The following SERPINA12 variants were observed in gnomAD, a reference collection of about 807,000 sequenced individuals.
SERPINA12 encodes serpin family A member 12, also known as serpin A12.
In SERPINA12, 21 loss-of-function variants were observed where a neutral mutation model predicts 25.9. The observed-to-expected ratio is 0.81, with a 90% CI of 0.58 to 1.17. The LOEUF (loss-of-function observed/expected upper bound fraction) is 1.17, where lower values mean the gene tolerates loss of function less well. Among genes scored for constraint, SERPINA12 ranks in the 50% most tolerant of loss-of-function variants. SERPINA12 has a pLI of 0.00. For synonymous variants in SERPINA12, 220 were observed against 196.0 expected, an observed-to-expected ratio of 1.12 and a Z score of -1.02; for missense variants, 562 against 508.3, an observed-to-expected ratio of 1.11 and a Z score of -1.02.
intron 1 of SERPINA12, among the ~76,000 whole-genome samples, chr14:94,516,609 T>C (rs1052882426): frequency 6.6e-6 from 1 of 152,160 alleles, no homozygotes; most frequent in Non-Finnish European, 1.5e-5. Flanking sequence ...AATACCTTTC[T>C]CTCGTAGCCA....
chr14:94,496,384 T>G lies in SERPINA12; in HGVS notation c.894A>C (p.Leu298Phe). The G allele has an allele frequency of 6.2e-7, 1 of 1,614,190 alleles. No homozygotes were observed. The highest frequency in any genetic ancestry group is 8.5e-7 in the Non-Finnish European group (1 of 1,180,038). Residue 298 changes from leucine to phenylalanine, a missense_variant, in exon 3 of 5, where the codon TTA becomes TTC. Leu to Phe is a conservative substitution (Grantham distance 22). Transcript: ENST00000677451. ...QVDTFSRWKT[L>F]LSRRVVDVSV... is the part of the protein sequence containing the mutation. The stretch of plus-strand genomic sequence containing the variant: ...GGCACCCACTTTACCTGCGTGACAG[T>G]AATGTTTTCCATCTGGAGAAAGTGT...
At chr14:94,499,610 T>C (rs1421952099) in intron 1 of SERPINA12, among the ~76,000 whole-genome samples, 1 of 152,210 alleles carries the variant, frequency 6.6e-6, no homozygotes, top group Non-Finnish European at 1.5e-5. Context: ...CTGTAATCTG[T>C]GGGTAATAGT....
intron 3 of SERPINA12, among the ~76,000 whole-genome samples, chr14:94,493,485 G>C (rs1032342631): frequency 6.6e-5 from 10 of 152,188 alleles, no homozygotes; most frequent in South Asian, 2.1e-4. Flanking sequence ...GTCCCAGAGG[G>C]ATGGGGGAGG....
At chr14:94,510,723 G>C (rs567791451), upstream of SERPINA12, among the ~76,000 whole-genome samples, 6 of 152,240 alleles carry the variant, frequency 3.9e-5, no homozygotes, top group South Asian at 1.2e-3. Flanking sequence ...AATCCATAAA[G>C]AAAATGTGGT....
At chr14:94,509,959 C>T, upstream of SERPINA12, 1 of 985,236 alleles carries the variant, frequency 1.0e-6, no homozygotes, top group Non-Finnish European at 1.2e-6. Context: ...AGCCGCCTGG[C>T]ACAGATGTTC....
At chr14:94,487,587 T>G in intron 4 of SERPINA12, 93 bp from the exon 5 acceptor site, 1 of 1,110,292 alleles carries the variant, frequency 9.0e-7, no homozygotes, top group Non-Finnish European at 1.3e-6. Flanking sequence ...GGAAGACCAC[T>G]TGGCCCAAGC....
intron 2 of SERPINA12, 116 bp from the exon 3 acceptor site, chr14:94,496,759 A>T (rs913776937): frequency 4.7e-5 from 40 of 857,366 alleles, no homozygotes; most frequent in Admixed American, 9.4e-5. Context: ...ATATTCCGGG[A>T]TATCAGGGAA....
upstream of SERPINA12, among the ~76,000 whole-genome samples, chr14:94,514,269 A>G (rs903338837): frequency 2.0e-5 from 3 of 152,208 alleles, no homozygotes; most frequent in Non-Finnish European, 2.9e-5. Context: ...TTTGGCAGCA[A>G]CCCAAAGGGC....
At chr14:94,510,092 T>A (rs1246309087), upstream of SERPINA12, 1 of 985,264 alleles carries the variant, frequency 1.0e-6, no homozygotes, top group Non-Finnish European at 1.2e-6. Context: ...GTACCAGACA[T>A]AGGTGACTCA....
chr14:94,491,894 T>G (rs1416975880), intron 3 of SERPINA12, among the ~76,000 whole-genome samples: 1 of 152,100 alleles, frequency 6.6e-6, no homozygotes, highest in East Asian at 1.9e-4. Flanking sequence ...GATGGAAGCA[T>G]GGCAGTCGTG....
chr14:94,498,035 G>A lies in SERPINA12; in HGVS notation c.363C>T (p.His121=), dbSNP rs371586193. The A allele has an allele frequency of 2.4e-5, 38 of 1,614,180 alleles. No individual in the cohort carries two copies. Among genetic ancestry groups the A allele is most frequent in the East Asian group, 1.6e-4 (7 of 44,884 alleles). Residue 121 remains histidine, a synonymous_variant, in exon 2 of 5, where the codon CAC becomes CAT. Transcript: ENST00000677451. ...GGTCCTGGGTCTTCTGGGTCAGCTC[G>A]TGGATGATGTAATGGAAGCCCTCAT... ...DLHEGFHYII[H]ELTQKTQDLK... is the part of the protein sequence containing the mutation.
At chr14:94,492,943 C>A (rs745375307) in intron 3 of SERPINA12, among the ~76,000 whole-genome samples, 4 of 152,206 alleles carry the variant, frequency 2.6e-5, no homozygotes, top group African/African-American at 7.2e-5. Context: ...CTGCCTCCTG[C>A]ACAGAGGCCA....
In SERPINA12 at chr14:94,497,771, G is replaced by T. The variant is rs1443526001; in HGVS notation, c.627C>A (p.Phe209Leu). 2.5e-6 allele frequency: 4 copies of T among 1,603,028 alleles called. No homozygotes were observed. The highest frequency in any genetic ancestry group is 1.1e-5 in the South Asian group (1 of 89,172). Reference protein sequence around the residue: ...GTVMLLANYIFFRARWKHEFD... With the variant: ...GTVMLLANYILFRARWKHEFD... ...ACATGCCAAAAGCCTTACCTCGAAA[G>T]AAAATATAATTTGCAAGAAGCATCA... Residue 209 changes from phenylalanine to leucine, a missense_variant, in exon 2 of 5, where the codon TTC (phenylalanine) becomes TTA (leucine). Coordinates refer to ENST00000677451, the MANE Select transcript of SERPINA12 (RefSeq NM_001382267.1).
intron 3 of SERPINA12, among the ~76,000 whole-genome samples, chr14:94,491,509 G>A (rs1900179171): frequency 6.6e-6 from 1 of 152,148 alleles, no homozygotes; most frequent in Non-Finnish European, 1.5e-5. Flanking sequence ...GGTGGTGTGT[G>A]TAGTGGGGAT....
chr14:94,492,850 G>A (rs978544081), intron 3 of SERPINA12, among the ~76,000 whole-genome samples: 1 of 152,178 alleles, frequency 6.6e-6, no homozygotes, highest in African/African-American at 2.4e-5. Flanking sequence ...GCTCCTAAAG[G>A]TGGACCCTGG....
At chr14:94,501,003 C>G (rs1398629669) in intron 1 of SERPINA12, 1 of 984,750 alleles carries the variant, frequency 1.0e-6, no homozygotes, top group Non-Finnish European at 1.2e-6. Context: ...CTCTAAGCAC[C>G]TTCTACCCCC....
intron 1 of SERPINA12, among the ~76,000 whole-genome samples, chr14:94,507,753 C>A (rs753782161): frequency 1.2e-4 from 19 of 152,168 alleles, no homozygotes; most frequent in Admixed American, 2.6e-4. Context: ...CAAACCGACA[C>A]CAACGTGTTG....
chr14:94,510,402 C>A (rs1901078633), upstream of SERPINA12: 1 of 261,202 alleles, frequency 3.8e-6, no homozygotes, highest in African/African-American at 2.3e-5. Context: ...AATGAGATAC[C>A]ACCTTACTCT....
chr14:94,507,322 G>A (rs913407495), intron 1 of SERPINA12, among the ~76,000 whole-genome samples: 1 of 152,122 alleles, frequency 6.6e-6, no homozygotes, highest in African/African-American at 2.4e-5. Flanking sequence ...CCATGAGATA[G>A]GCAGAAAGTA....
Sources: gnomAD v4.1 joint callset for allele counts (sites outside exome capture counted in the v4.1 genomes callset) on GRCh38, gnomAD v4.1.1 for gene constraint, MANE v1.5 for transcripts, NCBI Gene and HGNC (gene_info 2026-07-23, HGNC 2026-07-21) for gene names.